Variants in PCDHGA11 observed in about 807,000 individuals in gnomAD.
The protein encoded by PCDHGA11 is protocadherin gamma subfamily A, 11.
A neutral mutation model predicts 60.4 loss-of-function variants in PCDHGA11; 39 were observed. The observed-to-expected ratio is 0.65, with a 90% CI of 0.50 to 0.84. The LOEUF is 0.84. Among genes scored for constraint, PCDHGA11 ranks in the 40% least tolerant of loss-of-function variants. The pLI is 0.00. For synonymous variants in PCDHGA11, 533 were observed against 510.3 expected, an observed-to-expected ratio of 1.04 and a Z score of -0.60; for missense variants, 1,165 against 1,197.7, an observed-to-expected ratio of 0.97 and a Z score of 0.40.
intron 1 of PCDHGA11, chr5:141,423,905 G>T: frequency 7.9e-7 from 1 of 1,273,594 alleles, no homozygotes; most frequent in Non-Finnish European, 9.9e-7. Flanking sequence ...GATTTCAAAG[G>T]GGCCATTCAA....
intron 1 of PCDHGA11, among the ~76,000 whole-genome samples, chr5:141,465,966 C>T (rs904439039): frequency 5.3e-5 from 8 of 151,802 alleles, no homozygotes; most frequent in Non-Finnish European, 1.0e-4. Context: ...ACTAAAAATA[C>T]AAAAAATTAG....
At chr5:141,433,150 G>C (rs1466566074) in intron 1 of PCDHGA11, 5 of 1,613,936 alleles carry the variant, frequency 3.1e-6, no homozygotes, top group Middle Eastern at 1.6e-4. Flanking sequence ...CAGGTGATTC[G>C]GTATTTTCTA....
In PCDHGA11 at chr5:141,486,143, G is replaced by T; in HGVS notation, c.2434-8664G>T. On this transcript the variant is annotated intron_variant, in intron 1 of 3. Coordinates refer to ENST00000398587, the MANE Select transcript of PCDHGA11 (RefSeq NM_018914.3). This position sits in a 1 kb window ranked among gnomAD's most constrained non-coding sequence, Gnocchi z 5.0. ...CTATGAATTTGATGTGCGGGCTCGC[G>T]ATGGGGGTTCTCCAGCCATGGAGCA... 6.2e-7 allele frequency: 1 copy of T among 1,614,198 alleles called. No homozygotes were observed. Among genetic ancestry groups the T allele is most frequent in the Non-Finnish European group, 8.5e-7 (1 of 1,180,030 alleles).
In PCDHGA11 at chr5:141,511,236, C is replaced by T; in HGVS notation, c.*63C>T. 4 of 1,591,606 alleles carry T rather than the reference C, an allele frequency of 2.5e-6. No individual in the cohort carries two copies. Among genetic ancestry groups the T allele is most frequent in the Admixed American group, 3.6e-5 (2 of 56,022 alleles). ...CCCAACCAGCCCAGCTTCTCCTTAC[C>T]TGCACCCAGGCCTCAGAGTTTCAGG... On this transcript the variant is annotated 3_prime_UTR_variant, in exon 4 of 4. Transcript: ENST00000398587.
chr5:141,489,112 A>C lies in PCDHGA11; in HGVS notation c.2434-5695A>C. 3 of 412,420 alleles carry C rather than the reference A, an allele frequency of 7.3e-6. No individual in the cohort carries two copies. Among genetic ancestry groups the C allele is most frequent in the South Asian group, 4.2e-5 (1 of 23,838 alleles). The allele number at this position is 412,420 out of a possible 1,614,324, so 25.5% of individuals were successfully genotyped here. ...TGACTAAGAACTGCTGCAAGCAGGC[A>C]AACCTCCGAGCAGTTTTTAAGAGGC... is the stretch of plus-strand genomic sequence containing the variant. On this transcript the variant is annotated intron_variant, in intron 1 of 3. Coordinates refer to ENST00000398587, the MANE Select transcript of PCDHGA11 (RefSeq NM_018914.3). The surrounding 1 kb of genome is among the most constrained non-coding windows in gnomAD (Gnocchi z 4.5).
chr5:141,476,672 A>T lies in PCDHGA11; in HGVS notation c.2434-18135A>T. 6.2e-7 allele frequency: 1 copy of T among 1,614,206 alleles called. No individual in the cohort carries two copies. Among genetic ancestry groups the T allele is most frequent in the African/African-American group, 1.3e-5 (1 of 75,058 alleles). ...TGAATACTTTGCGCTTCGCGTGCAG[A>T]CGCGGGAGGACAGCACCAAGTACGC... On this transcript the variant is annotated intron_variant, in intron 1 of 3. Transcript: ENST00000398587. The surrounding 1 kb of genome is among the most constrained non-coding windows in gnomAD (Gnocchi z 7.6).
intron 1 of PCDHGA11, among the ~76,000 whole-genome samples, chr5:141,446,610 G>A (rs1167777615): frequency 6.6e-6 from 1 of 152,098 alleles, no homozygotes; most frequent in Non-Finnish European, 1.5e-5. Flanking sequence ...CTGAGTAGCT[G>A]GGACTACAGG....
Position 141,511,267 on chromosome 5 carries a change from C to T in PCDHGA11, c.*94C>T, listed in dbSNP as rs1223074819. 1.3e-6 allele frequency: 2 copies of T among 1,549,404 alleles called. No homozygotes were observed. Among genetic ancestry groups the T allele is most frequent in the Non-Finnish European group, 1.7e-6 (2 of 1,146,836 alleles). On this transcript the variant is annotated 3_prime_UTR_variant, in exon 4 of 4. Transcript: ENST00000398587. ...CCAGGCCTCAGAGTTTCAGGGCTAA[C>T]CCCCAGAATACTGGTAGGGGCCAAG...
In PCDHGA11 at chr5:141,485,849, G is replaced by A. The variant is rs777288674; in HGVS notation, c.2434-8958G>A. ...AGGGAACCCGCCGAGATCTGGCACC[G>A]CAGAGCTCCGGGTATCCGTGCTGGA... On this transcript the variant is annotated intron_variant, in intron 1 of 3. Transcript: ENST00000398587. The surrounding 1 kb of genome is among the most constrained non-coding windows in gnomAD (Gnocchi z 5.7). 3 of 1,614,130 alleles carry A rather than the reference G, an allele frequency of 1.9e-6. No individual in the cohort carries two copies. In the South Asian group the frequency reaches 3.3e-5, roughly 18 times the overall value.
rs2096566137 is a variant in PCDHGA11 at position 141,421,358 on chromosome 5, C to T, written c.131C>T (p.Ser44Phe). 1 of 1,613,870 alleles carries T rather than the reference C, an allele frequency of 6.2e-7. No individual in the cohort carries two copies. Among genetic ancestry groups the T allele is most frequent in the Non-Finnish European group, 8.5e-7 (1 of 1,179,912 alleles). Residue 44 changes from serine to phenylalanine, a missense_variant, in exon 1 of 4, where the codon TCC (serine) becomes TTC (phenylalanine). Transcript: ENST00000398587. Reference sequence around the variant, plus strand: ...GTGCCAGAAGAGACCGAAAAGGGCTCCTTCGTGGGCAATATCTCCAAGGAC... The same window carrying T: ...GTGCCAGAAGAGACCGAAAAGGGCTTCTTCGTGGGCAATATCTCCAAGGAC... The part of the protein sequence containing the change: ...YSVPEETEKG[S>F]FVGNISKDLG...
In PCDHGA11 at chr5:141,422,667, G is replaced by A. The variant is rs1283968031; in HGVS notation, c.1440G>A (p.Pro480=). Residue 480 remains proline, a synonymous_variant, in exon 1 of 4, where the codon CCG becomes CCA. Coordinates refer to ENST00000398587, the MANE Select transcript of PCDHGA11 (RefSeq NM_018914.3). ...ASIFSVTALD[P]DSKQNALVTY... is the part of the protein sequence containing the mutation. ...TCTTCTCAGTGACCGCCCTCGACCC[G>A]GACAGCAAACAGAATGCCCTGGTCA... The A allele has an allele frequency of 1.9e-6, 3 of 1,607,536 alleles. No individual in the cohort carries two copies. The highest frequency in any genetic ancestry group is 1.1e-5 in the South Asian group (1 of 89,824).
chr5:141,445,545 A>G (rs1422837499), intron 1 of PCDHGA11, among the ~76,000 whole-genome samples: 2 of 152,256 alleles, frequency 1.3e-5, no homozygotes, highest in Non-Finnish European at 2.9e-5. Context: ...AAGGAGAAAT[A>G]CAAAAGCACT....
At chr5:141,433,326 A>G in intron 1 of PCDHGA11, 1 of 726,596 alleles carries the variant, frequency 1.4e-6, no homozygotes. Context: ...CCGGTGTAAC[A>G]GGGACTACAG....
chr5:141,446,850 C>T (rs1027473189), intron 1 of PCDHGA11, among the ~76,000 whole-genome samples: 2 of 152,114 alleles, frequency 1.3e-5, no homozygotes, highest in Non-Finnish European at 2.9e-5. Flanking sequence ...GCATAATAAG[C>T]TTCCTGATAG....
At chr5:141,450,772 C>T (rs544188262) in intron 1 of PCDHGA11, among the ~76,000 whole-genome samples, 1 of 151,944 alleles carries the variant, frequency 6.6e-6, no homozygotes, top group African/African-American at 2.4e-5. Flanking sequence ...CAGGCATGAG[C>T]CACCGTGCCC....
intron 1 of PCDHGA11, among the ~76,000 whole-genome samples, chr5:141,443,771 A>G (rs1031470429): frequency 9.2e-5 from 14 of 152,238 alleles, no homozygotes; most frequent in African/African-American, 3.1e-4. Context: ...ATACAATATT[A>G]CCAAAAAGAC....
At position 141,486,134 on chromosome 5, in the gene PCDHGA11, C is replaced by T; in HGVS notation, c.2434-8673C>T. 6.2e-7 allele frequency: 1 copy of T among 1,614,168 alleles called. No homozygotes were observed. ...TGAGAATTACTATGAATTTGATGTG[C>T]GGGCTCGCGATGGGGGTTCTCCAGC... On this transcript the variant is annotated intron_variant, in intron 1 of 3. Coordinates refer to ENST00000398587, the MANE Select transcript of PCDHGA11 (RefSeq NM_018914.3). The surrounding 1 kb of genome is among the most constrained non-coding windows in gnomAD (Gnocchi z 5.0).
At chr5:141,474,361 T>C (rs2099347915) in intron 1 of PCDHGA11, among the ~76,000 whole-genome samples, 2 of 152,210 alleles carry the variant, frequency 1.3e-5, no homozygotes, top group South Asian at 2.1e-4. Context: ...CATGTCTCAG[T>C]AGGTCTAGAG....
In PCDHGA11 at chr5:141,491,958, A is replaced by C; in HGVS notation, c.2434-2849A>C. The C allele has an allele frequency of 2.0e-6, 2 of 999,758 alleles. No homozygotes were observed. Among genetic ancestry groups the C allele is most frequent in the Non-Finnish European group, 2.8e-6 (2 of 718,534 alleles). The allele number at this position is 999,758 out of a possible 1,614,324, so 61.9% of individuals were successfully genotyped here. The stretch of plus-strand genomic sequence containing the variant: ...ACCGACCCCCACCCCTACACTCAAA[A>C]AAGGCCGGGGCCTCCTTCGAGCTTC... On this transcript the variant is annotated intron_variant, in intron 1 of 3. Coordinates refer to ENST00000398587, the MANE Select transcript of PCDHGA11 (RefSeq NM_018914.3). The surrounding 1 kb of genome is among the most constrained non-coding windows in gnomAD (Gnocchi z 6.9).
Sources: allele counts gnomAD v4.1 joint callset (sites outside exome capture counted in the v4.1 genomes callset), GRCh38; gene constraint gnomAD v4.1.1; non-coding constraint Gnocchi (gnomAD v3.1); transcripts MANE v1.5; gene names NCBI Gene and HGNC (gene_info 2026-07-23, HGNC 2026-07-21).